Variants in MAPK8IP3 observed in about 807,000 individuals in gnomAD.
MAPK8IP3 encodes the protein C-Jun-amino-terminal kinase-interacting protein 3.
In MAPK8IP3, 49 loss-of-function variants were observed where a neutral mutation model predicts 157.8. The ratio of observed to expected loss-of-function variants is 0.31; its 90% CI spans 0.25 to 0.39. The LOEUF is 0.39. Ranked by LOEUF, MAPK8IP3 falls within the 10% of genes least tolerant of loss-of-function variation. The pLI, the probability that MAPK8IP3 is intolerant of heterozygous loss-of-function variation, is 1.00. For missense variants in MAPK8IP3, 1,478 were observed against 1,889.4 expected (o/e 0.78, Z 4.04); for synonymous variants, 897 against 777.7 (o/e 1.15, Z -2.55).
At chr16:1,758,766 C>G (rs1215290128) in intron 9 of MAPK8IP3, among the ~76,000 whole-genome samples, 1 of 152,216 alleles carries the variant, frequency 6.6e-6, no homozygotes, top group Non-Finnish European at 1.5e-5. Flanking sequence ...TCATGTAACC[C>G]CAAGGATAAA....
At chr16:1,716,565 G>A (rs2038163949) in intron 1 of MAPK8IP3, among the ~76,000 whole-genome samples, 1 of 151,958 alleles carries the variant, frequency 6.6e-6, no homozygotes, top group Non-Finnish European at 1.5e-5. Flanking sequence ...AAAATGCTGG[G>A]ATTACAGGAG....
At position 1,763,026 on chromosome 16, in the gene MAPK8IP3, C is replaced by T. The variant is rs765072796; in HGVS notation, c.1898+20C>T. 2 of 1,611,990 alleles carry T rather than the reference C, an allele frequency of 1.2e-6. No individual in the cohort carries two copies. Among genetic ancestry groups the T allele is most frequent in the Non-Finnish European group, 1.7e-6 (2 of 1,179,416 alleles). The stretch of plus-strand genomic sequence containing the variant: ...TGACGAGTGAGTGTCCCGCAGCCCC[C>T]ACTTGTGGCCTGCAATGGGGTTGGG... On this transcript the variant is annotated intron_variant, in intron 16 of 31. Coordinates refer to ENST00000610761, the MANE Select transcript of MAPK8IP3 (RefSeq NM_001318852.2).
In MAPK8IP3 at chr16:1,727,464, C is replaced by T. The variant is rs150990713; in HGVS notation, c.440-1674C>T. Among the ~76,000 whole-genome samples the T allele has an allele frequency of 1.3e-4, 20 of 151,916 alleles. No homozygotes were observed. In the South Asian group the frequency reaches 1.7e-3, roughly 13 times the overall value. On this transcript the variant is annotated intron_variant, in intron 2 of 31. Coordinates refer to ENST00000610761, the MANE Select transcript of MAPK8IP3 (RefSeq NM_001318852.2). ...ATGTCTGTAAGTCTTGTGTTGTGTG[C>T]GGTGTCTGTACATCGTGTGTCAGGT...
chr16:1,743,798 C>T lies in MAPK8IP3; in HGVS notation c.747+322C>T, dbSNP rs2040816897. On this transcript the variant is annotated intron_variant, in intron 5 of 31. Coordinates refer to ENST00000610761, the MANE Select transcript of MAPK8IP3 (RefSeq NM_001318852.2). The surrounding 1 kb of genome is among the most constrained non-coding windows in gnomAD (Gnocchi z 5.6). ...TCAGGGTTGAGCTTAGTGATCCTCT[C>T]TCAAACCACACCCCCACATAAAGCC... 8.1e-7 allele frequency: 1 copy of T among 1,240,666 alleles called. No individual in the cohort carries two copies. Among genetic ancestry groups the T allele is most frequent in the Non-Finnish European group, 1.0e-6 (1 of 989,390 alleles). The allele number at this position is 1,240,666 out of a possible 1,614,324, so 76.9% of individuals were successfully genotyped here.
In MAPK8IP3 at chr16:1,762,351, G is replaced by A. The variant is rs764612904; in HGVS notation, c.1540G>A (p.Asp514Asn). 1.9e-6 allele frequency: 3 copies of A among 1,571,174 alleles called. No individual in the cohort carries two copies. Among genetic ancestry groups the A allele is most frequent in the South Asian group, 1.2e-5 (1 of 86,092 alleles). Reference protein sequence around the residue: ...DVSSYLCTESDKIPMAQRRRF... With the variant: ...DVSSYLCTESNKIPMAQRRRF... ...AGCCTCTGTGCCCCTCCCTCCGCAG[G>A]ACAAAATCCCCATGGCCCAGCGCCG... Residue 514 changes from aspartate to asparagine, a missense_variant and splice_region_variant, in exon 14 of 32, where the codon GAC becomes AAC. Asp to Asn is a conservative substitution (Grantham distance 23). Coordinates refer to ENST00000610761, the MANE Select transcript of MAPK8IP3 (RefSeq NM_001318852.2).
At chr16:1,760,749 G>T (rs1054175397) in intron 12 of MAPK8IP3, among the ~76,000 whole-genome samples, 3 of 152,174 alleles carry the variant, frequency 2.0e-5, no homozygotes, top group Non-Finnish European at 4.4e-5. Context: ...TGTCTCACGC[G>T]TTCCTTCTCT....
intron 8 of MAPK8IP3, among the ~76,000 whole-genome samples, chr16:1,757,850 G>A (rs1380640996): frequency 2.0e-5 from 3 of 152,176 alleles, no homozygotes; most frequent in Admixed American, 6.5e-5. Flanking sequence ...GCTGCGGGGG[G>A]CCTGCCCTCC....
chr16:1,750,031 G>A (rs1399243364), intron 8 of MAPK8IP3, among the ~76,000 whole-genome samples: 6 of 152,140 alleles, frequency 3.9e-5, no homozygotes, highest in South Asian at 2.1e-4. Context: ...AGATCAGGAC[G>A]GCGGTGAGGG....
chr16:1,749,295 A>G (rs889914722), intron 8 of MAPK8IP3, among the ~76,000 whole-genome samples: 4 of 152,200 alleles, frequency 2.6e-5, no homozygotes, highest in Non-Finnish European at 4.4e-5. Context: ...AAAGAAATCC[A>G]TGCCTGTTAG....
In MAPK8IP3 at chr16:1,710,824, C is replaced by T. The variant is rs2037721907; in HGVS notation, c.318+4167C>T. ...AATGAAGCTATCAAGATGGGGCTGC[C>T]AGAGCTGCCTTTCCTAGGTGCCTCT... On this transcript the variant is annotated intron_variant, in intron 1 of 31. Coordinates refer to ENST00000610761, the MANE Select transcript of MAPK8IP3 (RefSeq NM_001318852.2). The surrounding 1 kb of genome is among the most constrained non-coding windows in gnomAD (Gnocchi z 4.1). 6.6e-6 allele frequency among the ~76,000 whole-genome samples: 1 copy of T among 152,222 alleles called. No homozygotes were observed. Among genetic ancestry groups the T allele is most frequent in the Non-Finnish European group, 1.5e-5 (1 of 68,036 alleles).
At chr16:1,730,044 CAAAAAA>C (rs58933347) in intron 4 of MAPK8IP3, among the ~76,000 whole-genome samples, 886 of 46,874 alleles carry the variant, frequency 0.019, 2 homozygotes, top group African/African-American at 0.047. Context: ...CTTGTCTCTA[CAAAAAA>C]AAAAAAAAAA....
chr16:1,737,724 G>A (rs1263846104), intron 4 of MAPK8IP3, among the ~76,000 whole-genome samples: 5 of 82,304 alleles, frequency 6.1e-5, no homozygotes, highest in African/African-American at 1.3e-4. Flanking sequence ...GTGACCGTCC[G>A]TGTGAGCATC....
intron 8 of MAPK8IP3, among the ~76,000 whole-genome samples, chr16:1,753,437 A>ATTTT (rs1355800650): frequency 7.1e-6 from 1 of 141,254 alleles, no homozygotes; most frequent in Admixed American, 6.9e-5. Context: ...ACCATTATTT[A>ATTTT]TTTATTTATT....
In MAPK8IP3 at chr16:1,743,693, C is replaced by T. The variant is rs1487280494; in HGVS notation, c.747+217C>T. The T allele has an allele frequency of 1.5e-5, 21 of 1,398,848 alleles. No individual in the cohort carries two copies. The East Asian group carries it at 3.4e-4, about 23-fold the overall frequency. The allele number at this position is 1,398,848 out of a possible 1,614,324, so 86.7% of individuals were successfully genotyped here. ...TGGCTGTGGCTGTTCCACGCGGCCT[C>T]GTGTCGGCACCTGCTAGTCCAGGCT... is the stretch of plus-strand genomic sequence containing the variant. On this transcript the variant is annotated intron_variant, in intron 5 of 31. Transcript: ENST00000610761. The surrounding 1 kb of genome is among the most constrained non-coding windows in gnomAD (Gnocchi z 5.6).
Position 1,711,325 on chromosome 16 carries a change from T to C in MAPK8IP3, c.318+4668T>C, listed in dbSNP as rs192960470. Among the ~76,000 whole-genome samples the C allele has an allele frequency of 9.8e-5, 15 of 152,288 alleles. 1 individual carries two copies. In the East Asian group the frequency reaches 2.9e-3, roughly 29 times the overall value. ...CCTCGTTCTCTGCTCTTATTGACCTTGACCATTGCGACAACACAGTTCAGT... is the reference window on the plus strand; with the variant it reads ...CCTCGTTCTCTGCTCTTATTGACCTCGACCATTGCGACAACACAGTTCAGT... On this transcript the variant is annotated intron_variant, in intron 1 of 31. Coordinates refer to ENST00000610761, the MANE Select transcript of MAPK8IP3 (RefSeq NM_001318852.2).
At chr16:1,759,582 T>G (rs2041818561) in intron 10 of MAPK8IP3, among the ~76,000 whole-genome samples, 2 of 152,154 alleles carry the variant, frequency 1.3e-5, no homozygotes, top group South Asian at 4.1e-4. Context: ...AGGCCTCTCC[T>G]TGCCCACCTG....
chr16:1,758,051 G>A (rs1167256418), intron 8 of MAPK8IP3, 97 bp from the exon 9 acceptor site: 2 of 1,269,446 alleles, frequency 1.6e-6, no homozygotes, highest in Non-Finnish European at 2.3e-6. Context: ...AATCATTGCT[G>A]GGTTTTCTGT....
At chr16:1,728,001 A>G (rs1313857000) in intron 2 of MAPK8IP3, among the ~76,000 whole-genome samples, 2 of 152,118 alleles carry the variant, frequency 1.3e-5, no homozygotes, top group East Asian at 1.9e-4. Context: ...CCGGCCACGC[A>G]CTCCCTGGGG....
In MAPK8IP3 at chr16:1,706,339, G is replaced by T; in HGVS notation, c.-1G>T. The T allele has an allele frequency of 6.4e-7, 1 of 1,566,160 alleles. No individual in the cohort carries two copies. On this transcript the variant is annotated 5_prime_UTR_variant, in exon 1 of 32. Coordinates refer to ENST00000610761, the MANE Select transcript of MAPK8IP3 (RefSeq NM_001318852.2). The surrounding 1 kb of genome is among the most constrained non-coding windows in gnomAD (Gnocchi z 5.1). ...CCGCGCTGGCGGCGGCGGTGGCCGCGATGATGGAGATCCAGATGGACGAGG... is the reference window on the plus strand; with the variant it reads ...CCGCGCTGGCGGCGGCGGTGGCCGCTATGATGGAGATCCAGATGGACGAGG...
Sources: allele counts gnomAD v4.1 joint callset (sites outside exome capture counted in the v4.1 genomes callset), GRCh38; gene constraint gnomAD v4.1.1; non-coding constraint Gnocchi (gnomAD v3.1); transcripts MANE v1.5; gene names NCBI Gene and HGNC (gene_info 2026-07-23, HGNC 2026-07-21).